The following DGKI variants were observed in gnomAD, a reference collection of about 807,000 sequenced individuals.
The protein encoded by DGKI is DAG kinase iota.
In DGKI, 55 loss-of-function variants were observed where a neutral mutation model predicts 147.5. That is an observed-to-expected ratio of 0.37 (90% CI 0.30 to 0.47). The LOEUF (loss-of-function observed/expected upper bound fraction) is 0.47. DGKI is among the 20% of genes least tolerant of loss of function. DGKI has a pLI of 1.00. For missense variants in DGKI, 1,007 were observed against 1,323.8 expected (o/e 0.76, Z 3.71); for synonymous variants, 469 against 477.1 (o/e 0.98, Z 0.22).
intron 1 of DGKI, among the ~76,000 whole-genome samples, chr7:137,761,040 C>A (rs953711091): frequency 6.6e-6 from 1 of 152,196 alleles, no homozygotes; most frequent in South Asian, 2.1e-4. Context: ...AATTTCCCAT[C>A]TTAAAACGAC....
At chr7:137,556,198 C>A (rs1818217807) in intron 19 of DGKI, among the ~76,000 whole-genome samples, 1 of 150,452 alleles carries the variant, frequency 6.6e-6, no homozygotes, top group Admixed American at 6.6e-5. Context: ...TCATAGAAAA[C>A]TAAGAACAGA....
intron 20 of DGKI, among the ~76,000 whole-genome samples, chr7:137,529,716 T>C (rs1817274857): frequency 6.6e-6 from 1 of 152,238 alleles, no homozygotes; most frequent in Non-Finnish European, 1.5e-5. Context: ...TACTGGCTCG[T>C]TGATCCAATT....
At chr7:137,575,689 C>T (rs1818946367) in intron 17 of DGKI, among the ~76,000 whole-genome samples, 1 of 152,166 alleles carries the variant, frequency 6.6e-6, no homozygotes, top group African/African-American at 2.4e-5. Context: ...CCTCATAGTT[C>T]AATGGGCCCT....
At chr7:137,734,247 T>A (rs1273929418) in intron 1 of DGKI, among the ~76,000 whole-genome samples, 1 of 151,836 alleles carries the variant, frequency 6.6e-6, no homozygotes, top group African/African-American at 2.4e-5. Flanking sequence ...GTAGCTAGAG[T>A]GGGAGCAGGG....
At chr7:137,733,812 G>C (rs900866083) in intron 1 of DGKI, among the ~76,000 whole-genome samples, 6 of 152,078 alleles carry the variant, frequency 3.9e-5, no homozygotes, top group Non-Finnish European at 7.4e-5. Context: ...AGACCTCATC[G>C]AAAGGGTGGC....
chr7:137,716,738 G>T (rs114635568), intron 1 of DGKI, among the ~76,000 whole-genome samples: 1 of 152,086 alleles, frequency 6.6e-6, no homozygotes, highest in Non-Finnish European at 1.5e-5. Flanking sequence ...CCTTCTGTCC[G>T]AATTCCCCAA....
At chr7:137,525,236 T>C (rs765025087) in intron 20 of DGKI, among the ~76,000 whole-genome samples, 1 of 152,186 alleles carries the variant, frequency 6.6e-6, no homozygotes, top group Non-Finnish European at 1.5e-5. Flanking sequence ...CTTTCTCCCA[T>C]CCACTTTCCT....
chr7:137,704,388 G>A, intron 1 of DGKI, among the ~76,000 whole-genome samples: 1 of 152,096 alleles, frequency 6.6e-6, no homozygotes, highest in East Asian at 1.9e-4. Flanking sequence ...TTCACTACAG[G>A]TGCTGGACAG....
chr7:137,411,525 T>A (rs1038714076), intron 29 of DGKI, among the ~76,000 whole-genome samples: 1 of 152,124 alleles, frequency 6.6e-6, no homozygotes, highest in Non-Finnish European at 1.5e-5. Context: ...ATTTTACTGA[T>A]GAAAAAACTA....
At chr7:137,517,249 AG>A (rs1184279613) in intron 21 of DGKI, among the ~76,000 whole-genome samples, 78 of 128,420 alleles carry the variant, frequency 6.1e-4, no homozygotes, top group South Asian at 2.9e-3. Flanking sequence ...AAGAAAGAAA[AG>A]AAAAAGAAAG....
intron 21 of DGKI, among the ~76,000 whole-genome samples, chr7:137,507,332 A>T (rs1816402410): frequency 6.6e-6 from 1 of 152,226 alleles, no homozygotes; most frequent in Non-Finnish European, 1.5e-5. Context: ...TAAATTATGT[A>T]GTTTTCATTG....
At chr7:137,465,852 C>A in intron 26 of DGKI, 56 bp downstream of exon 26, 1 of 1,571,388 alleles carries the variant, frequency 6.4e-7, no homozygotes, top group Non-Finnish European at 8.6e-7. Context: ...CAAAGGCGAA[C>A]CAGACATGGA....
intron 2 of DGKI, among the ~76,000 whole-genome samples, chr7:137,684,127 C>T (rs572201703): frequency 1.3e-5 from 2 of 152,302 alleles, no homozygotes; most frequent in East Asian, 3.9e-4. Flanking sequence ...GAGTGGATTG[C>T]CTCCCCTTGA....
chr7:137,421,893 G>A (rs1020683533), intron 28 of DGKI, among the ~76,000 whole-genome samples: 17 of 152,182 alleles, frequency 1.1e-4, no homozygotes, highest in African/African-American at 4.1e-4. Flanking sequence ...GATTGAGGAA[G>A]ACATTCTAGG....
intron 1 of DGKI, among the ~76,000 whole-genome samples, chr7:137,833,499 C>A (rs1318115406): frequency 6.6e-6 from 1 of 152,146 alleles, no homozygotes; most frequent in African/African-American, 2.4e-5. Context: ...AATTACCTCC[C>A]ACTGGGTCCC....
intron 1 of DGKI, among the ~76,000 whole-genome samples, chr7:137,711,088 A>T (rs1176265004): frequency 1.3e-5 from 2 of 152,128 alleles, no homozygotes; most frequent in South Asian, 2.1e-4. Context: ...AACTAAACAG[A>T]CTGACAAAAA....
chr7:137,396,535 T>G (rs1425095713), intron 31 of DGKI, among the ~76,000 whole-genome samples: 1 of 152,168 alleles, frequency 6.6e-6, no homozygotes. Flanking sequence ...TGGCACCACT[T>G]ATAATCTTGC....
chr7:137,539,062 C>T (rs990529924), intron 20 of DGKI, among the ~76,000 whole-genome samples: 4 of 152,142 alleles, frequency 2.6e-5, no homozygotes, highest in African/African-American at 9.7e-5. Flanking sequence ...TTTCCCCCCT[C>T]CATTTTCTCC....
At chr7:137,474,109 G>T (rs929626594) in intron 23 of DGKI, among the ~76,000 whole-genome samples, 4 of 151,778 alleles carry the variant, frequency 2.6e-5, no homozygotes, top group African/African-American at 9.7e-5. Flanking sequence ...CACATAATAG[G>T]TCCTACGTTA....
Sources: gnomAD v4.1 joint callset for allele counts (sites outside exome capture counted in the v4.1 genomes callset) on GRCh38, gnomAD v4.1.1 for gene constraint, MANE v1.5 for transcripts, NCBI Gene and HGNC (gene_info 2026-07-23, HGNC 2026-07-21) for gene names.